HNRNPF: variants seen among roughly 807,000 people sequenced by gnomAD.
The protein encoded by HNRNPF is HnRNP F protein.
A neutral mutation model predicts 26.0 loss-of-function variants in HNRNPF; 2 were observed. The observed-to-expected ratio is 0.08, with a 90% CI of 0.03 to 0.24. HNRNPF has a LOEUF of 0.24. Among genes scored for constraint, HNRNPF ranks in the 10% least tolerant of loss-of-function variants. The pLI, the probability that HNRNPF is intolerant of heterozygous loss-of-function variation, is 1.00. For missense variants in HNRNPF, 299 were observed against 539.2 expected (o/e 0.55, Z 4.41); for synonymous variants, 234 against 211.5 (o/e 1.11, Z -0.92).
At chr10:43,398,483 A>G (rs1384826927) in intron 1 of HNRNPF, among the ~76,000 whole-genome samples, 1 of 149,798 alleles carries the variant, frequency 6.7e-6, no homozygotes, top group Admixed American at 6.6e-5. Context: ...CTGGGATTAT[A>G]GGCGTGCGCT....
At chr10:43,393,312 T>C (rs1176181044) in intron 3 of HNRNPF, among the ~76,000 whole-genome samples, 1 of 152,168 alleles carries the variant, frequency 6.6e-6, no homozygotes, top group East Asian at 1.9e-4. Flanking sequence ...AGTCCAAGCA[T>C]AGGCCGGGCG....
In HNRNPF at chr10:43,396,483, T is replaced by C. The variant is rs1009847408; in HGVS notation, c.-139A>G. ...CGGAGGCGAGCAGGACTGGTTTCTG[T>C]TGCTACCAGGCAAGCGCGGCTGGCA... On this transcript the variant is annotated 5_prime_UTR_variant, in exon 2 of 4. Coordinates refer to ENST00000682386, the MANE Select transcript of HNRNPF (RefSeq NM_001098204.2). The C allele has an allele frequency of 6.6e-6, 1 of 152,308 alleles. No individual in the cohort carries two copies. Among genetic ancestry groups the C allele is most frequent in the Non-Finnish European group, 1.5e-5 (1 of 68,128 alleles). The allele number at this position is 152,308 out of a possible 1,614,324, so 9.4% of individuals were successfully genotyped here. A position where few individuals can be genotyped will look rare whatever the true frequency, so the allele number is the denominator to read the frequency against.
chr10:43,394,806 G>T (rs1011610905), intron 2 of HNRNPF, 118 bp from the exon 3 acceptor site: 4 of 152,116 alleles, frequency 2.6e-5, no homozygotes, highest in African/African-American at 7.2e-5. Flanking sequence ...TAGCCCGTGG[G>T]TTTAAATTAA....
At chr10:43,396,139 G>C (rs928201617) in intron 2 of HNRNPF, among the ~76,000 whole-genome samples, 1 of 151,654 alleles carries the variant, frequency 6.6e-6, no homozygotes, top group Admixed American at 6.6e-5. Flanking sequence ...AGGTTGGACG[G>C]GATTAACGCT....
intron 1 of HNRNPF, chr10:43,397,156 G>A (rs1045843773): frequency 6.6e-6 from 1 of 151,922 alleles, no homozygotes; most frequent in African/African-American, 2.4e-5. Context: ...CTGGAGTGGC[G>A]GGGCCGGGGC....
chr10:43,395,145 T>C (rs1378333773), intron 2 of HNRNPF, among the ~76,000 whole-genome samples: 1 of 151,964 alleles, frequency 6.6e-6, no homozygotes, highest in Non-Finnish European at 1.5e-5. Flanking sequence ...GGCAGGGCAC[T>C]TGGGAGGGAG....
At chr10:43,389,658 T>C (rs1838166969) in intron 3 of HNRNPF, among the ~76,000 whole-genome samples, 1 of 152,156 alleles carries the variant, frequency 6.6e-6, no homozygotes, top group South Asian at 2.1e-4. Flanking sequence ...CCTCTCCCAA[T>C]AACAAGCATA....
intron 3 of HNRNPF, among the ~76,000 whole-genome samples, chr10:43,392,509 A>G (rs1173013140): frequency 6.6e-6 from 1 of 152,244 alleles, no homozygotes; most frequent in African/African-American, 2.4e-5. Context: ...ACTGCACTCC[A>G]GCCTAGGCGA....
chr10:43,392,436 C>T (rs1021099635), intron 3 of HNRNPF, among the ~76,000 whole-genome samples: 3 of 152,108 alleles, frequency 2.0e-5, no homozygotes, highest in South Asian at 2.1e-4. Flanking sequence ...CTACTCCAGA[C>T]GCTGGGACAG....
chr10:43,408,813 G>A (rs1589004101), intron 1 of HNRNPF: 1 of 152,398 alleles, frequency 6.6e-6, no homozygotes, highest in Non-Finnish European at 1.5e-5. Context: ...GGGACGCGGG[G>A]AACTTGGCAG....
At chr10:43,391,595 T>C (rs1194629951) in intron 3 of HNRNPF, among the ~76,000 whole-genome samples, 3 of 152,150 alleles carry the variant, frequency 2.0e-5, no homozygotes, top group African/African-American at 7.2e-5. Context: ...GGGGCAGCCT[T>C]ACAGACTCTC....
chr10:43,388,903 A>G (rs891270627), intron 3 of HNRNPF, among the ~76,000 whole-genome samples: 2 of 152,160 alleles, frequency 1.3e-5, no homozygotes, highest in African/African-American at 4.8e-5. Context: ...ATGGGGCCAA[A>G]GACGTATTTT....
At chr10:43,400,911 G>C (rs1027516911) in intron 1 of HNRNPF, among the ~76,000 whole-genome samples, 2 of 129,588 alleles carry the variant, frequency 1.5e-5, no homozygotes, top group Non-Finnish European at 3.2e-5. Context: ...GTGAAACCTC[G>C]TCTCTACTAA....
chr10:43,387,939 G>GT lies in HNRNPF; in HGVS notation c.-52-4_-52-3insA. The GT allele has an allele frequency of 7.1e-7, 1 of 1,406,472 alleles. No individual in the cohort carries two copies. Among genetic ancestry groups the GT allele is most frequent in the Non-Finnish European group, 9.6e-7 (1 of 1,045,624 alleles). 87.1% of individuals were successfully genotyped at this position (1,406,472 alleles called of 1,614,324 possible). On this transcript the variant is annotated splice_polypyrimidine_tract_variant and splice_region_variant and intron_variant, in intron 3 of 3. Coordinates refer to ENST00000682386, the MANE Select transcript of HNRNPF (RefSeq NM_001098204.2). This position sits in a 1 kb window ranked among gnomAD's most constrained non-coding sequence, Gnocchi z 6.0. ...TCTTGGGTGTGGCTTTTTTGTGGCT[G>GT]GAAAAAAAAAAAAGAAAAATTTATT...
chr10:43,400,319 A>C (rs1200218114), intron 1 of HNRNPF, among the ~76,000 whole-genome samples: 1 of 152,156 alleles, frequency 6.6e-6, no homozygotes, highest in African/African-American at 2.4e-5. Flanking sequence ...CTTTACTGGG[A>C]TACATTTTGG....
chr10:43,405,020 T>G (rs1589001018), intron 1 of HNRNPF, among the ~76,000 whole-genome samples: 1 of 152,198 alleles, frequency 6.6e-6, no homozygotes, highest in African/African-American at 2.4e-5. Flanking sequence ...AACCTCTAGA[T>G]GATCACTTAC....
chr10:43,389,451 TACTA>T (rs1377206439), intron 3 of HNRNPF, among the ~76,000 whole-genome samples: 1 of 152,184 alleles, frequency 6.6e-6, no homozygotes, highest in Admixed American at 6.5e-5. Flanking sequence ...AGCAAATTCA[TACTA>T]AATAAATGCT....
chr10:43,395,131 C>T (rs1564395989), intron 2 of HNRNPF, among the ~76,000 whole-genome samples: 1 of 151,702 alleles, frequency 6.6e-6, no homozygotes, highest in African/African-American at 2.4e-5. Context: ...ATTTAAATAT[C>T]GGGGGCAGGG....
In HNRNPF at chr10:43,399,210, G is replaced by A. The variant is rs571163613; in HGVS notation, c.-246-2620C>T. Among the ~76,000 whole-genome samples, 177 of 152,198 alleles carry A rather than the reference G, an allele frequency of 1.2e-3. 3 individuals are homozygous for A. Among genetic ancestry groups the A allele is most frequent in the South Asian group, 0.01 (50 of 4,818 alleles). On this transcript the variant is annotated intron_variant, in intron 1 of 3. Transcript: ENST00000682386. ...TCCTCCCACCTTTAGCCTCCCCAACGTAGCTGGGACCACAGGTGCATGCCA... is the reference window on the plus strand; with the variant it reads ...TCCTCCCACCTTTAGCCTCCCCAACATAGCTGGGACCACAGGTGCATGCCA...
Sources: allele counts gnomAD v4.1 joint callset (sites outside exome capture counted in the v4.1 genomes callset), GRCh38; gene constraint gnomAD v4.1.1; non-coding constraint Gnocchi (gnomAD v3.1); transcripts MANE v1.5; gene names NCBI Gene and HGNC (gene_info 2026-07-23, HGNC 2026-07-21).